SELENOI: variants seen among roughly 807,000 people sequenced by gnomAD.
The protein encoded by SELENOI is ethanolaminephosphotransferase 1.
Under a neutral mutation model 50.7 loss-of-function variants are expected in SELENOI, and 24 were observed. The ratio of observed to expected loss-of-function variants is 0.47; its 90% CI spans 0.34 to 0.67. SELENOI has a LOEUF of 0.67. SELENOI is among the 30% of genes least tolerant of loss of function. The pLI, the probability that SELENOI is intolerant of heterozygous loss-of-function variation, is 0.01. For missense variants in SELENOI, 352 were observed against 461.4 expected (o/e 0.76, Z 2.17); for synonymous variants, 155 against 170.2 (o/e 0.91, Z 0.70).
intron 4 of SELENOI, among the ~76,000 whole-genome samples, chr2:26,371,835 T>TGAGAGGGAGACCATGGG (rs1677459056): frequency 6.6e-6 from 1 of 151,644 alleles, no homozygotes; most frequent in Non-Finnish European, 1.5e-5. Flanking sequence ...CGGCTCGGCA[T>TGAGAGGGAGACCATGGG]GAGAGGGAGA....
rs979435146 is a variant in SELENOI at position 26,392,808 on chromosome 2, T to A, written c.*3705T>A. 1.3e-5 allele frequency: 2 copies of A among 152,214 alleles called. No individual in the cohort carries two copies. Among genetic ancestry groups the A allele is most frequent in the Non-Finnish European group, 2.9e-5 (2 of 68,046 alleles). 9.4% of individuals were successfully genotyped at this position (152,214 alleles called of 1,614,324 possible). On this transcript the variant is annotated 3_prime_UTR_variant, in exon 10 of 10. Transcript: ENST00000260585. The stretch of plus-strand genomic sequence containing the variant: ...TGGATTTAAGTACTCTATAGAAAAT[T>A]TGTGAAGTCAGACCAGAATTTTCTT...
rs577658984 is a variant in SELENOI at position 26,363,248 on chromosome 2, AT to A, written c.58-1053del. On this transcript the variant is annotated intron_variant, in intron 1 of 9. Coordinates refer to ENST00000260585, the MANE Select transcript of SELENOI (RefSeq NM_033505.4). Reference sequence around the variant, plus strand: ...TGAGCACTTCACATATCTAATCCTTATGACAATCCCTTGAGGTAAGGACTAT... The same window carrying A: ...TGAGCACTTCACATATCTAATCCTTAGACAATCCCTTGAGGTAAGGACTAT... Among the ~76,000 whole-genome samples, 31 of 152,312 alleles carry A rather than the reference AT, an allele frequency of 2.0e-4. No individual in the cohort carries two copies. The South Asian group carries it at 6.4e-3, about 32-fold the overall frequency.
At chr2:26,370,824 C>CG (rs1278984614) in intron 4 of SELENOI, among the ~76,000 whole-genome samples, 1 of 123,634 alleles carries the variant, frequency 8.1e-6, no homozygotes, top group Non-Finnish European at 1.7e-5. Context: ...GCTGGCCGGG[C>CG]GGGGGGCTGA....
At chr2:26,358,381 C>T (rs1054698277) in intron 1 of SELENOI, among the ~76,000 whole-genome samples, 4 of 152,034 alleles carry the variant, frequency 2.6e-5, no homozygotes, top group African/African-American at 7.2e-5. Context: ...AGTGAGACTC[C>T]GTCTCAAAAG....
intron 6 of SELENOI, among the ~76,000 whole-genome samples, chr2:26,377,115 C>T: frequency 6.6e-6 from 1 of 152,124 alleles, no homozygotes; most frequent in East Asian, 1.9e-4. Context: ...TTTTCTTCCC[C>T]TCTCTCTTCT....
chr2:26,364,684 A>G (rs925336195), intron 2 of SELENOI, 148 bp from the exon 3 acceptor site: 34 of 592,040 alleles, frequency 5.7e-5, no homozygotes, highest in African/African-American at 4.9e-4. Flanking sequence ...GCTGATGGAG[A>G]TTATCGTTTA....
In SELENOI at chr2:26,389,216, C is replaced by T. The variant is rs1384302644; in HGVS notation, c.*113C>T. ...ACAGACGTGGGATCTCAGTATGGTA[C>T]TTGGACAGCAGGAATGATACATATA... On this transcript the variant is annotated 3_prime_UTR_variant, in exon 10 of 10. Transcript: ENST00000260585. 4 of 799,840 alleles carry T rather than the reference C, an allele frequency of 5.0e-6. No homozygotes were observed. The Admixed American group carries it at 7.1e-5, about 14-fold the overall frequency. 49.5% of individuals were successfully genotyped at this position (799,840 alleles called of 1,614,324 possible).
chr2:26,354,878 A>G (rs1010741035), intron 1 of SELENOI, among the ~76,000 whole-genome samples: 1 of 152,230 alleles, frequency 6.6e-6, no homozygotes, highest in African/African-American at 2.4e-5. Flanking sequence ...CTAGTCTTGC[A>G]TTTAGTTGAG....
rs80009808 is a variant in SELENOI at position 26,373,307 on chromosome 2, A to G, written c.311-60A>G. The G allele has an allele frequency of 1.9e-3, 2,977 of 1,530,052 alleles. 51 individuals are homozygous for G. The African/African-American group carries it at 0.033, about 17-fold the overall frequency. 94.8% of individuals were successfully genotyped at this position (1,530,052 alleles called of 1,614,324 possible). ...TGTTTTTTCCTCCAGTTTATTAAAG[A>G]AGACTTTCTCCATCCTGGTGCATAC... On this transcript the variant is annotated intron_variant, in intron 4 of 9. Coordinates refer to ENST00000260585, the MANE Select transcript of SELENOI (RefSeq NM_033505.4).
At chr2:26,387,695 C>CA (rs60220320) in intron 9 of SELENOI, among the ~76,000 whole-genome samples, 238 of 99,166 alleles carry the variant, frequency 2.4e-3, no homozygotes, top group African/African-American at 7.8e-3. Context: ...GACCCTGTCT[C>CA]AAAAAAAAAA....
intron 8 of SELENOI, 77 bp from the exon 9 acceptor site, chr2:26,386,277 G>T (rs1461184174): frequency 3.7e-5 from 50 of 1,368,194 alleles, no homozygotes; most frequent in Non-Finnish European, 4.8e-5. Flanking sequence ...TCAAATGTTG[G>T]AAAGACTAGT....
At chr2:26,388,718 A>G (rs983605625) in intron 9 of SELENOI, among the ~76,000 whole-genome samples, 1 of 152,198 alleles carries the variant, frequency 6.6e-6, no homozygotes. Flanking sequence ...TAGATGCTAC[A>G]GGTCAACTAA....
intron 4 of SELENOI, among the ~76,000 whole-genome samples, chr2:26,371,827 G>T (rs184657997): frequency 1.8e-4 from 27 of 152,326 alleles, no homozygotes; most frequent in African/African-American, 6.5e-4. Context: ...TCCAGCTTCG[G>T]CTCGGCATGA....
At chr2:26,381,852 T>C (rs1204982177) in intron 6 of SELENOI, among the ~76,000 whole-genome samples, 1 of 152,202 alleles carries the variant, frequency 6.6e-6, no homozygotes, top group African/African-American at 2.4e-5. Context: ...AGGAATTGTT[T>C]AGAAGGAATG....
At chr2:26,356,630 A>G (rs1297055577) in intron 1 of SELENOI, among the ~76,000 whole-genome samples, 1 of 152,124 alleles carries the variant, frequency 6.6e-6, no homozygotes, top group Non-Finnish European at 1.5e-5. Flanking sequence ...CTAAACCCAT[A>G]ATTGTCACTT....
At chr2:26,359,529 A>G (rs1460166784) in intron 1 of SELENOI, among the ~76,000 whole-genome samples, 1 of 151,954 alleles carries the variant, frequency 6.6e-6, no homozygotes, top group African/African-American at 2.4e-5. Context: ...TGTAATCCCA[A>G]CTACTCAAGA....
At chr2:26,363,491 A>C (rs1036240960) in intron 1 of SELENOI, among the ~76,000 whole-genome samples, 19 of 152,220 alleles carry the variant, frequency 1.2e-4, no homozygotes, top group African/African-American at 4.6e-4. Flanking sequence ...ACATGTAAGC[A>C]ATAAAAATTT....
intron 1 of SELENOI, among the ~76,000 whole-genome samples, chr2:26,353,650 G>T (rs1008404218): frequency 1.3e-5 from 2 of 152,180 alleles, no homozygotes; most frequent in Admixed American, 1.3e-4. Context: ...ATTTATATAT[G>T]TCTGGCAGAA....
At position 26,381,198 on chromosome 2, in the gene SELENOI, CTTTTTTTTTTTT is replaced by C. The variant is rs57102834; in HGVS notation, c.683-2081_683-2070del. Among the ~76,000 whole-genome samples the C allele has an allele frequency of 1.3e-3, 40 of 30,200 alleles. 1 individual carries two copies. Among genetic ancestry groups the C allele is most frequent in the East Asian group, 0.011 (10 of 928 alleles). The allele number at this position is 30,200 out of a possible 152,430, so 19.8% of individuals were successfully genotyped here. A position where few individuals can be genotyped will look rare whatever the true frequency, so the allele number is the denominator to read the frequency against. ...TGGATTGTATCTCCTTCAGTTTGGT[CTTTTTTTTTTTT>C]TTTTTTTTTTTTTTTTTTTACAAAT... On this transcript the variant is annotated intron_variant, in intron 6 of 9. Transcript: ENST00000260585.
Sources: allele counts gnomAD v4.1 joint callset (sites outside exome capture counted in the v4.1 genomes callset), GRCh38; gene constraint gnomAD v4.1.1; transcripts MANE v1.5; gene names NCBI Gene and HGNC (gene_info 2026-07-23, HGNC 2026-07-21).